Variants in GRIK2 observed in about 807,000 individuals in gnomAD.
The protein encoded by GRIK2 is glutamate ionotropic receptor kainate type subunit 2.
A neutral mutation model predicts 100.3 loss-of-function variants in GRIK2; 32 were observed. The observed-to-expected ratio is 0.32, with a 90% CI of 0.24 to 0.43. The LOEUF (loss-of-function observed/expected upper bound fraction) is 0.43. Ranked by LOEUF, GRIK2 falls within the 20% of genes least tolerant of loss-of-function variation. The pLI, the probability that GRIK2 is intolerant of heterozygous loss-of-function variation, is 1.00. For missense variants in GRIK2, 843 were observed against 1,114.9 expected (o/e 0.76, Z 3.47); for synonymous variants, 417 against 389.4 (o/e 1.07, Z -0.83).
chr6:101,789,015 G>A (rs1248477355), intron 7 of GRIK2, among the ~76,000 whole-genome samples: 1 of 152,120 alleles, frequency 6.6e-6, no homozygotes, highest in Non-Finnish European at 1.5e-5. Context: ...CTTTTTTTGA[G>A]AAGTGTGTGT....
intron 2 of GRIK2, among the ~76,000 whole-genome samples, chr6:101,462,294 TA>T (rs1285128843): frequency 3.9e-5 from 6 of 152,198 alleles, no homozygotes; most frequent in African/African-American, 1.2e-4. Context: ...AAGCAGTTTT[TA>T]AAAATTGATG....
chr6:101,610,446 C>T (rs188976903), intron 2 of GRIK2, among the ~76,000 whole-genome samples: 5 of 151,934 alleles, frequency 3.3e-5, no homozygotes, highest in African/African-American at 1.2e-4. Context: ...AAACTCAAAA[C>T]ATATTTGCAT....
chr6:101,418,005 A>T (rs1302286496), intron 2 of GRIK2, among the ~76,000 whole-genome samples: 1 of 152,228 alleles, frequency 6.6e-6, no homozygotes, highest in African/African-American at 2.4e-5. Context: ...TGTCTCTCAA[A>T]TGCAGAGTTC....
intron 14 of GRIK2, among the ~76,000 whole-genome samples, chr6:102,015,210 T>TTATC (rs1795769916): frequency 6.9e-6 from 1 of 145,592 alleles, no homozygotes; most frequent in South Asian, 2.1e-4. Context: ...TCTTTTTTTT[T>TTATC]TATCTTTGTT....
chr6:101,544,787 GTTAA>G (rs527634325), intron 2 of GRIK2, among the ~76,000 whole-genome samples: 6 of 152,156 alleles, frequency 3.9e-5, no homozygotes, highest in Non-Finnish European at 8.8e-5. Context: ...ATTTAGAAAA[GTTAA>G]TTAATTTGTT....
chr6:101,810,357 A>G (rs866061157), intron 9 of GRIK2, among the ~76,000 whole-genome samples: 14 of 151,938 alleles, frequency 9.2e-5, no homozygotes, highest in Non-Finnish European at 2.9e-5. Context: ...ATCAGTGTTT[A>G]GTTAGATTAT....
chr6:101,647,726 C>A (rs115180212), intron 4 of GRIK2, among the ~76,000 whole-genome samples: 1,678 of 151,978 alleles, frequency 0.011, 20 homozygotes, highest in African/African-American at 0.026. Context: ...ATAGCCTCTG[C>A]CATATTTTAA....
At chr6:101,723,416 T>C (rs923945002) in intron 7 of GRIK2, among the ~76,000 whole-genome samples, 2 of 151,918 alleles carry the variant, frequency 1.3e-5, no homozygotes, top group African/African-American at 4.8e-5. Flanking sequence ...AAAAGAAAAT[T>C]AGAAATCTCA....
chr6:101,564,375 G>A (rs543757019), intron 2 of GRIK2, among the ~76,000 whole-genome samples: 1 of 152,218 alleles, frequency 6.6e-6, no homozygotes, highest in South Asian at 2.1e-4. Flanking sequence ...TTAAGATCAG[G>A]TCACAGACAG....
intron 14 of GRIK2, among the ~76,000 whole-genome samples, chr6:102,020,952 A>G (rs1041889851): frequency 6.6e-6 from 1 of 151,812 alleles, no homozygotes. Flanking sequence ...AGCAATTTAT[A>G]TGTACATATT....
At chr6:101,734,697 G>A (rs1775514302) in intron 7 of GRIK2, among the ~76,000 whole-genome samples, 1 of 152,086 alleles carries the variant, frequency 6.6e-6, no homozygotes, top group African/African-American at 2.4e-5. Flanking sequence ...GGGCCCTGAA[G>A]GACACATTAA....
chr6:101,975,095 T>C (rs893972407), intron 14 of GRIK2, among the ~76,000 whole-genome samples: 1 of 151,956 alleles, frequency 6.6e-6, no homozygotes, highest in African/African-American at 2.4e-5. Flanking sequence ...TCAAGGATGA[T>C]TTTTTGATTC....
intron 2 of GRIK2, among the ~76,000 whole-genome samples, chr6:101,526,830 C>T (rs1196301814): frequency 2.0e-5 from 3 of 152,114 alleles, no homozygotes; most frequent in South Asian, 2.1e-4. Flanking sequence ...AATACTCTCC[C>T]GGGGTTCGGA....
Position 101,760,636 on chromosome 6 carries a change from A to ATAATTATATATT in GRIK2, c.952-39001_952-39000insTTAATTATATAT, listed in dbSNP as rs1562364572. ...TATTTAATTATATGTTTAATTATAT[A>ATAATTATATATT]TAATTATATATAATTATATGTTTAA... On this transcript the variant is annotated intron_variant, in intron 7 of 16. Transcript: ENST00000369134. Among the ~76,000 whole-genome samples the ATAATTATATATT allele has an allele frequency of 4.7e-3, 497 of 106,474 alleles. 88 individuals are homozygous for ATAATTATATATT. The highest frequency in any genetic ancestry group is 0.016 in the African/African-American group (463 of 28,094). The allele number at this position is 106,474 out of a possible 152,430, so 69.9% of individuals were successfully genotyped here.
At chr6:101,681,810 G>C (rs1317036126) in intron 5 of GRIK2, among the ~76,000 whole-genome samples, 1 of 152,064 alleles carries the variant, frequency 6.6e-6, no homozygotes, top group Non-Finnish European at 1.5e-5. Flanking sequence ...AACTAAAAAT[G>C]CATTGTTTTT....
chr6:101,792,567 C>G (rs868204006), intron 7 of GRIK2, among the ~76,000 whole-genome samples: 1 of 151,902 alleles, frequency 6.6e-6, no homozygotes, highest in Non-Finnish European at 1.5e-5. Flanking sequence ...GAGTTTCTGC[C>G]GAGAGATCCG....
chr6:101,987,853 C>A (rs905286407), intron 14 of GRIK2, among the ~76,000 whole-genome samples: 1 of 151,422 alleles, frequency 6.6e-6, no homozygotes, highest in Non-Finnish European at 1.5e-5. Context: ...GATTTACATT[C>A]ATTTTTCTGA....
intron 4 of GRIK2, among the ~76,000 whole-genome samples, chr6:101,647,118 G>A (rs1781563295): frequency 6.6e-6 from 1 of 151,974 alleles, no homozygotes; most frequent in South Asian, 2.1e-4. Flanking sequence ...AAGTACAAGT[G>A]TCAGAATAAG....
chr6:102,033,952 T>C (rs566162185), intron 14 of GRIK2, among the ~76,000 whole-genome samples: 1 of 151,508 alleles, frequency 6.6e-6, no homozygotes, highest in Admixed American at 6.6e-5. Flanking sequence ...TTTTCAGTTG[T>C]GATTAAAAAA....
Sources: gnomAD v4.1 joint callset for allele counts (sites outside exome capture counted in the v4.1 genomes callset) on GRCh38, gnomAD v4.1.1 for gene constraint, MANE v1.5 for transcripts, NCBI Gene and HGNC (gene_info 2026-07-23, HGNC 2026-07-21) for gene names.